Variants in CFAP54 observed in about 807,000 individuals in gnomAD.
CFAP54 encodes cilia- and flagella-associated protein 54.
A neutral mutation model predicts 370.4 loss-of-function variants in CFAP54; 290 were observed. The ratio of observed to expected loss-of-function variants is 0.78; its 90% CI spans 0.71 to 0.86. CFAP54 has a LOEUF of 0.86. Ranked by LOEUF, CFAP54 falls within the 40% of genes least tolerant of loss-of-function variation. CFAP54 has a pLI of 0.00. For synonymous variants in CFAP54, 1,206 were observed against 1,236.5 expected, an observed-to-expected ratio of 0.98 and a Z score of 0.52; for missense variants, 3,399 against 3,528.7, an observed-to-expected ratio of 0.96 and a Z score of 0.93.
chr12:96,766,985 G>T (rs1958407622), intron 60 of CFAP54, among the ~76,000 whole-genome samples: 1 of 152,194 alleles, frequency 6.6e-6, no homozygotes, highest in South Asian at 2.1e-4. Context: ...AAGCTAAAGA[G>T]ACAGTGGTTA....
chr12:96,522,237 T>C, intron 8 of CFAP54, 48 bp downstream of exon 8: 1 of 1,253,622 alleles, frequency 8.0e-7, no homozygotes, highest in Non-Finnish European at 1.1e-6. Flanking sequence ...TTGCAGTATA[T>C]TTGTATTATG....
rs115548811 is a variant in CFAP54, at chr12:96,638,031, G to A, written c.4317-6147G>A. The stretch of plus-strand genomic sequence containing the variant: ...TCAAACAACAATAAAATAGCTTAAC[G>A]AAACATTTCTCAGAATGTATCCCTG... On this transcript the variant is annotated intron_variant, in intron 32 of 67. Coordinates refer to ENST00000524981, the MANE Select transcript of CFAP54 (RefSeq NM_001306084.2). Among the ~76,000 whole-genome samples, 726 of 152,112 alleles carry A rather than the reference G, an allele frequency of 4.8e-3. 4 individuals carry two copies. The highest frequency in any genetic ancestry group is 0.016 in the African/African-American group (682 of 41,514).
At chr12:96,849,447 C>G (rs10860101) in intron 66 of CFAP54, among the ~76,000 whole-genome samples, 61,575 of 151,944 alleles carry the variant, frequency 0.41, 13,366 homozygotes, top group African/African-American at 0.55. Flanking sequence ...TTGATGAAAA[C>G]GTAACTGACA....
intron 48 of CFAP54, among the ~76,000 whole-genome samples, chr12:96,710,279 G>C (rs1043857894): frequency 9.2e-5 from 14 of 152,202 alleles, no homozygotes; most frequent in African/African-American, 3.4e-4. Context: ...TGGGAGAAGG[G>C]AACACAGGAG....
At chr12:96,494,591 A>G (rs568105263) in intron 1 of CFAP54, among the ~76,000 whole-genome samples, 75 of 152,050 alleles carry the variant, frequency 4.9e-4, no homozygotes, top group Admixed American at 2.2e-3. Flanking sequence ...GTGAGCCACC[A>G]TGCACGGCCT....
At chr12:96,737,704 G>T (rs1422060830) in intron 50 of CFAP54, among the ~76,000 whole-genome samples, 1 of 152,030 alleles carries the variant, frequency 6.6e-6, no homozygotes, top group Non-Finnish European at 1.5e-5. Context: ...TGACCAGGCT[G>T]ATCTCGAACT....
chr12:96,794,260 C>T (rs1160056952), intron 63 of CFAP54, among the ~76,000 whole-genome samples: 1 of 152,106 alleles, frequency 6.6e-6, no homozygotes, highest in Admixed American at 6.5e-5. Context: ...GTTCTTTGAG[C>T]TTCTTGTATT....
intron 6 of CFAP54, among the ~76,000 whole-genome samples, chr12:96,519,318 C>T (rs993589168): frequency 1.3e-5 from 2 of 152,034 alleles, no homozygotes; most frequent in South Asian, 2.1e-4. Context: ...AGGCTGATTT[C>T]GAACTCCTGA....
chr12:96,805,172 T>C (rs1384915250), intron 63 of CFAP54, among the ~76,000 whole-genome samples: 1 of 152,108 alleles, frequency 6.6e-6, no homozygotes, highest in Non-Finnish European at 1.5e-5. Flanking sequence ...CTCCTGGACA[T>C]TGGCCTAGGC....
chr12:96,640,814 A>G (rs1956718039), intron 32 of CFAP54, among the ~76,000 whole-genome samples: 1 of 152,192 alleles, frequency 6.6e-6, no homozygotes, highest in Admixed American at 6.5e-5. Flanking sequence ...TGAGAAAAAC[A>G]AGCAATGGGG....
At chr12:96,726,025 C>T (rs529557518) in intron 50 of CFAP54, among the ~76,000 whole-genome samples, 2 of 145,888 alleles carry the variant, frequency 1.4e-5, no homozygotes, top group East Asian at 2.0e-4. Context: ...AGGGATGAAG[C>T]CCACTTGATC....
intron 26 of CFAP54, among the ~76,000 whole-genome samples, chr12:96,612,864 C>T (rs2136456534): frequency 6.6e-6 from 1 of 152,264 alleles, no homozygotes; most frequent in South Asian, 2.1e-4. Flanking sequence ...CACCCAGATT[C>T]GTAAAGCAAG....
intron 62 of CFAP54, among the ~76,000 whole-genome samples, chr12:96,791,283 T>C (rs536593142): frequency 6.6e-6 from 1 of 152,128 alleles, no homozygotes; most frequent in African/African-American, 2.4e-5. Context: ...AGGTCCTTTT[T>C]TTAGACTTGA....
chr12:96,608,665 T>A (rs1424999011), intron 26 of CFAP54, among the ~76,000 whole-genome samples: 4 of 152,060 alleles, frequency 2.6e-5, no homozygotes, highest in Non-Finnish European at 5.9e-5. Flanking sequence ...TTTCACCATG[T>A]GGTCCAGGCT....
chr12:96,734,017 C>T lies in CFAP54; in HGVS notation c.6966-5939C>T, dbSNP rs896857784. Among the ~76,000 whole-genome samples the T allele has an allele frequency of 9.2e-5, 14 of 152,060 alleles. No homozygotes were observed. In the South Asian group the frequency reaches 2.5e-3, roughly 27 times the overall value. On this transcript the variant is annotated intron_variant, in intron 50 of 67. Transcript: ENST00000524981. ...AGGGAGGAAGAGTGTGGGGAGGGCA[C>T]GTTTCCTGTGCACACACTGACTCCA...
chr12:96,851,109 A>AT (rs964359999), intron 66 of CFAP54, among the ~76,000 whole-genome samples: 15 of 150,142 alleles, frequency 1.0e-4, no homozygotes, highest in South Asian at 4.2e-4. Flanking sequence ...TGTAAATTTT[A>AT]TTTTTTTTTT....
rs368377382 is a variant in CFAP54 at position 96,512,611 on chromosome 12, G to A, written c.740-375G>A. ...CCGCCTCAGGCTCCCAAAGTGCTGG[G>A]ATTACAGGCGTAGCCACTGTACACA... is the stretch of plus-strand genomic sequence containing the variant. On this transcript the variant is annotated intron_variant, in intron 4 of 67. Transcript: ENST00000524981. 3.3e-5 allele frequency among the ~76,000 whole-genome samples: 5 copies of A among 152,002 alleles called. No homozygotes were observed. The South Asian group carries it at 8.3e-4, about 25-fold the overall frequency.
intron 9 of CFAP54, among the ~76,000 whole-genome samples, chr12:96,527,939 T>C (rs563193752): frequency 6.6e-6 from 1 of 152,348 alleles, no homozygotes; most frequent in East Asian, 1.9e-4. Context: ...AATGTATTAG[T>C]AGATTTTTGG....
rs559020109 is a variant in CFAP54 at position 96,629,024 on chromosome 12, G to T, written c.4104-1069G>T. ...TTGGTAAAAGGTCCGCTCAGTTCCT[G>T]TTGGTATTCAGAGGGCAGCAGTGGC... On this transcript the variant is annotated intron_variant, in intron 30 of 67. Coordinates refer to ENST00000524981, the MANE Select transcript of CFAP54 (RefSeq NM_001306084.2). Among the ~76,000 whole-genome samples, 43 of 152,296 alleles carry T rather than the reference G, an allele frequency of 2.8e-4. 1 individual carries two copies. The highest frequency in any genetic ancestry group is 2.4e-3 in the Admixed American group (36 of 15,306).
Sources: gnomAD v4.1 joint callset for allele counts (sites outside exome capture counted in the v4.1 genomes callset) on GRCh38, gnomAD v4.1.1 for gene constraint, MANE v1.5 for transcripts, NCBI Gene and HGNC (gene_info 2026-07-23, HGNC 2026-07-21) for gene names.